Variants in OGDH observed in about 807,000 individuals in gnomAD.
OGDH encodes the protein 2-oxoglutarate dehydrogenase complex component E1.
Under a neutral mutation model 116.6 loss-of-function variants are expected in OGDH, and 38 were observed. That is an observed-to-expected ratio of 0.33 (90% confidence interval 0.25 to 0.43). The LOEUF (loss-of-function observed/expected upper bound fraction) is 0.43. Among genes scored for constraint, OGDH ranks in the 20% least tolerant of loss-of-function variants. The pLI, the probability that OGDH is intolerant of heterozygous loss-of-function variation, is 1.00. For missense variants in OGDH, 825 were observed against 1,357.2 expected (o/e 0.61, Z 6.16); for synonymous variants, 488 against 533.3 (o/e 0.92, Z 1.17).
chr7:44,675,802 A>G (rs1342461199), intron 8 of OGDH, among the ~76,000 whole-genome samples, 168 bp from the exon 9 acceptor site: 1 of 151,578 alleles, frequency 6.6e-6, no homozygotes, highest in Admixed American at 6.6e-5. Context: ...GCTTGAACCC[A>G]GAAAGTGGAG....
intron 2 of OGDH, among the ~76,000 whole-genome samples, chr7:44,635,600 G>A (rs952806241): frequency 1.3e-5 from 2 of 152,182 alleles, no homozygotes; most frequent in African/African-American, 2.4e-5. Flanking sequence ...GGTCTCATCA[G>A]TCCAGAGCCA....
rs544578414 is a variant in OGDH, at chr7:44,611,122, C to A, written c.-28+4469C>A. On this transcript the variant is annotated intron_variant, in intron 1 of 22. Coordinates refer to ENST00000222673, the MANE Select transcript of OGDH (RefSeq NM_002541.4). Reference sequence around the variant, plus strand: ...CACGGTCTTACTCTGTCACCCCAGGCTGGAGTGCAGTGGCATGATCACAGC... The same window carrying A: ...CACGGTCTTACTCTGTCACCCCAGGATGGAGTGCAGTGGCATGATCACAGC... Among the ~76,000 whole-genome samples, 194 of 146,126 alleles carry A rather than the reference C, an allele frequency of 1.3e-3. 1 individual carries two copies. The highest frequency in any genetic ancestry group is 4.7e-3 in the African/African-American group (187 of 39,524).
chr7:44,626,350 C>T (rs758054921), intron 2 of OGDH, among the ~76,000 whole-genome samples: 1 of 151,234 alleles, frequency 6.6e-6, no homozygotes, highest in Non-Finnish European at 1.5e-5. Context: ...CACACACACA[C>T]ACACACACAC....
chr7:44,624,469 A>C lies in OGDH; in HGVS notation c.126A>C (p.Ala42=), dbSNP rs1316581202. 3.7e-6 allele frequency: 6 copies of C among 1,613,416 alleles called. No individual in the cohort carries two copies. Among genetic ancestry groups the C allele is most frequent in the Non-Finnish European group, 5.1e-6 (6 of 1,179,886 alleles). The part of the protein sequence containing the change: ...RTFQQIRCYS[A]PVAAEPFLSG... ...TTCAACAGATTCGGTGCTATTCTGC[A>C]CCTGTTGCTGCTGAGCCCTTTCTCA... Residue 42 remains alanine (A), a synonymous_variant, in exon 2 of 23, where the codon GCA becomes GCC. Coordinates refer to ENST00000222673, the MANE Select transcript of OGDH (RefSeq NM_002541.4).
Position 44,708,066 on chromosome 7 carries a change from A to G in OGDH, c.*67A>G. The stretch of plus-strand genomic sequence containing the variant: ...CATGACTGCCCCTTGCTTCTCAACT[A>G]AAGAATAGTGCCTCAGCGCTGCCCA... On this transcript the variant is annotated 3_prime_UTR_variant, in exon 23 of 23. Transcript: ENST00000222673. 4.5e-6 allele frequency: 7 copies of G among 1,569,584 alleles called. No homozygotes were observed. The highest frequency in any genetic ancestry group is 6.0e-6 in the Non-Finnish European group (7 of 1,161,458).
At chr7:44,644,459 C>G (rs922485494) in intron 2 of OGDH, among the ~76,000 whole-genome samples, 16 of 152,178 alleles carry the variant, frequency 1.1e-4, no homozygotes, top group African/African-American at 3.9e-4. Context: ...ATAACTAACA[C>G]CTGACTTTGT....
chr7:44,696,636 C>A, intron 14 of OGDH, 79 bp downstream of exon 14: 1 of 1,570,310 alleles, frequency 6.4e-7, no homozygotes, highest in South Asian at 1.2e-5. Flanking sequence ...GTGACCTTGG[C>A]CCCCACCCAT....
intron 18 of OGDH, among the ~76,000 whole-genome samples, chr7:44,699,769 A>G (rs915040025): frequency 2.0e-5 from 3 of 152,202 alleles, no homozygotes; most frequent in Non-Finnish European, 4.4e-5. Context: ...TACAGGAAGC[A>G]TGATGCTGGC....
At chr7:44,669,507 G>A (rs1787338010) in intron 5 of OGDH, among the ~76,000 whole-genome samples, 2 of 151,326 alleles carry the variant, frequency 1.3e-5, no homozygotes, top group Admixed American at 1.3e-4. Context: ...TGGAGTCACT[G>A]TCTCCATAGC....
chr7:44,674,762 T>C (rs1283276381), intron 7 of OGDH: 2 of 601,348 alleles, frequency 3.3e-6, no homozygotes, highest in South Asian at 2.0e-5. Flanking sequence ...CATGGTCACC[T>C]CCAAAGCCAC....
At chr7:44,695,118 C>T (rs1032215325) in intron 12 of OGDH, among the ~76,000 whole-genome samples, 12 of 151,952 alleles carry the variant, frequency 7.9e-5, no homozygotes, top group Admixed American at 2.0e-4. Flanking sequence ...TTTTTTGAGA[C>T]GGAGTCTAGC....
Position 44,674,573 on chromosome 7 carries a change from C to T in OGDH, c.935+16C>T, listed in dbSNP as rs781345341. 6.0e-5 allele frequency: 97 copies of T among 1,613,238 alleles called. No homozygotes were observed. The highest frequency in any genetic ancestry group is 4.0e-4 in the Admixed American group (24 of 59,976). ...TGCCACACAGGTACAGCCAAGGGCG[C>T]GCCCAACCTGGTTTCTCACCATCCC... On this transcript the variant is annotated intron_variant, in intron 7 of 22. Coordinates refer to ENST00000222673, the MANE Select transcript of OGDH (RefSeq NM_002541.4).
At position 44,693,923 on chromosome 7, in the gene OGDH, T is replaced by C; in HGVS notation, c.1434T>C (p.Asp478=). The change falls in exon 11 of 23, where the codon GAT becomes GAC. Residue 478 remains aspartate, a synonymous_variant. Transcript: ENST00000222673. Reference sequence around the variant, plus strand: ...CCCCCATTTTCCACGTGAACTCAGATGACCCCGAGGCTGTCATGTACGTGT... The same window carrying C: ...CCCCCATTTTCCACGTGAACTCAGACGACCCCGAGGCTGTCATGTACGTGT... ...VNAPIFHVNS[D]DPEAVMYVCK... is the part of the protein sequence containing the mutation. The C allele has an allele frequency of 6.2e-7, 1 of 1,614,134 alleles. No homozygotes were observed.
chr7:44,608,608 C>A (rs570308015), intron 1 of OGDH, among the ~76,000 whole-genome samples: 4 of 152,042 alleles, frequency 2.6e-5, no homozygotes, highest in Non-Finnish European at 4.4e-5. Context: ...CTCCTCCAGC[C>A]TCAGCAGGAG....
At chr7:44,656,356 GT>G in intron 4 of OGDH, 1 of 1,535,928 alleles carries the variant, frequency 6.5e-7, no homozygotes, top group Non-Finnish European at 8.7e-7. Flanking sequence ...AATGCTAACA[GT>G]AGGAGGTATG....
At chr7:44,696,722 T>C (rs1788597324) in intron 14 of OGDH, among the ~76,000 whole-genome samples, 165 bp downstream of exon 14, 1 of 152,094 alleles carries the variant, frequency 6.6e-6, no homozygotes, top group African/African-American at 2.4e-5. Flanking sequence ...CCTCTCCCAC[T>C]CCCTGCCCTT....
chr7:44,702,250 G>A (rs935142259), intron 20 of OGDH, among the ~76,000 whole-genome samples: 1 of 152,224 alleles, frequency 6.6e-6, no homozygotes, highest in African/African-American at 2.4e-5. Flanking sequence ...TAGTGCCGCT[G>A]CCTGCGGCCT....
chr7:44,645,345 C>T lies in OGDH; in HGVS notation c.241C>T (p.Arg81Cys), dbSNP rs377142006. 1.7e-4 allele frequency: 280 copies of T among 1,608,862 alleles called. No homozygotes were observed. The highest frequency in any genetic ancestry group is 2.3e-4 in the Non-Finnish European group (271 of 1,178,630). Residue 81 changes from arginine (R) to cysteine (C), a missense_variant, in exon 3 of 23, where the codon CGC (arginine) becomes TGC (cysteine). Physicochemically the swap from Arg to Cys is radical, Grantham distance 180. Transcript: ENST00000222673. ...TCTTTAGTCATGGGACATTTTTTTT[C>T]GCAACACGAATGCCGGAGCCCCACC... ...SVHKSWDIFF[R>C]NTNAGAPPGT...
chr7:44,680,853 G>A (rs1431554994), intron 9 of OGDH, among the ~76,000 whole-genome samples: 2 of 152,180 alleles, frequency 1.3e-5, no homozygotes, highest in South Asian at 2.1e-4. Context: ...CACAGGAAAG[G>A]GAGGCAGCTG....
Sources: gnomAD v4.1 joint callset for allele counts (sites outside exome capture counted in the v4.1 genomes callset) on GRCh38, gnomAD v4.1.1 for gene constraint, MANE v1.5 for transcripts, NCBI Gene and HGNC (gene_info 2026-07-23, HGNC 2026-07-21) for gene names.